Variants in RSRC1 observed in about 807,000 individuals in gnomAD.
RSRC1 encodes the protein arginine and serine rich coiled-coil 1.
Under a neutral mutation model 49.1 loss-of-function variants are expected in RSRC1, and 39 were observed. The observed-to-expected ratio is 0.79, with a 90% CI of 0.61 to 1.04. The LOEUF is 1.04. Among genes scored for constraint, RSRC1 ranks in the 50% least tolerant of loss-of-function variants. The pLI, the probability that RSRC1 is intolerant of heterozygous loss-of-function variation, is 0.00. For missense variants in RSRC1, 388 were observed against 402.4 expected (o/e 0.96, Z 0.31); for synonymous variants, 143 against 130.8 (o/e 1.09, Z -0.63).
At chr3:158,413,326 A>G (rs1408217296) in intron 6 of RSRC1, among the ~76,000 whole-genome samples, 2 of 152,206 alleles carry the variant, frequency 1.3e-5, no homozygotes, top group African/African-American at 4.8e-5. Context: ...TACACCTTAT[A>G]CAAAAATTAA....
chr3:158,345,168 A>C (rs1730477412), intron 5 of RSRC1, among the ~76,000 whole-genome samples: 1 of 152,022 alleles, frequency 6.6e-6, no homozygotes. Flanking sequence ...CAGAAGTTGC[A>C]GTGAGCCGAG....
chr3:158,525,693 A>G (rs1711973141), intron 7 of RSRC1, among the ~76,000 whole-genome samples: 1 of 152,154 alleles, frequency 6.6e-6, no homozygotes, highest in South Asian at 2.1e-4. Context: ...TAAAAATTGC[A>G]GATATTCATA....
intron 4 of RSRC1, among the ~76,000 whole-genome samples, chr3:158,266,415 T>C (rs866080784): frequency 8.5e-5 from 13 of 152,288 alleles, no homozygotes; most frequent in African/African-American, 3.1e-4. Context: ...TTATTGTTGA[T>C]GAATTATAAT....
chr3:158,511,864 T>G (rs1740204367), intron 7 of RSRC1, among the ~76,000 whole-genome samples: 1 of 152,122 alleles, frequency 6.6e-6, no homozygotes, highest in Admixed American at 6.6e-5. Context: ...TGCATTTCTC[T>G]GATGGCCAGT....
In RSRC1 at chr3:158,517,391, A is replaced by T. The variant is rs138939227; in HGVS notation, c.653-19701A>T. ...CTGCAACCCCCACTAACCAGTACCT[A>T]ATAGAAATGGTGATAGCTAGTATCG... On this transcript the variant is annotated intron_variant, in intron 7 of 9. Coordinates refer to ENST00000611884, the MANE Select transcript of RSRC1 (RefSeq NM_001271838.2). 1.4e-3 allele frequency among the ~76,000 whole-genome samples: 206 copies of T among 152,242 alleles called. 1 individual carries two copies. Among genetic ancestry groups the T allele is most frequent in the African/African-American group, 4.8e-3 (199 of 41,552 alleles).
chr3:158,215,381 G>T (rs557561158), intron 4 of RSRC1, among the ~76,000 whole-genome samples: 1 of 149,554 alleles, frequency 6.7e-6, no homozygotes, highest in African/African-American at 2.5e-5. Context: ...GCCTCTAGAA[G>T]TCCTCCTGCC....
intron 6 of RSRC1, among the ~76,000 whole-genome samples, chr3:158,440,131 A>T (rs921008370): frequency 6.6e-6 from 1 of 152,116 alleles, no homozygotes; most frequent in Non-Finnish European, 1.5e-5. Flanking sequence ...CTTAAAATAA[A>T]ATTTTTTAAA....
intron 4 of RSRC1, chr3:158,276,258 G>A (rs772167736): frequency 1.5e-4 from 115 of 768,714 alleles, no homozygotes; most frequent in Non-Finnish European, 2.5e-4. Context: ...ACCTTTCTTG[G>A]CCTTGCAGCC....
intron 3 of RSRC1, among the ~76,000 whole-genome samples, chr3:158,199,269 G>A (rs1392843008): frequency 6.6e-6 from 1 of 151,830 alleles, no homozygotes; most frequent in Non-Finnish European, 1.5e-5. Flanking sequence ...TCTTTCTTTT[G>A]TAAATTTCCC....
intron 7 of RSRC1, among the ~76,000 whole-genome samples, chr3:158,473,698 C>T (rs1738245274): frequency 6.6e-6 from 1 of 151,530 alleles, no homozygotes; most frequent in African/African-American, 2.4e-5. Context: ...CTTTTTTCAC[C>T]TATGATTATA....
intron 5 of RSRC1, among the ~76,000 whole-genome samples, chr3:158,318,563 A>G (rs1728591722): frequency 6.6e-6 from 1 of 152,170 alleles, no homozygotes; most frequent in Non-Finnish European, 1.5e-5. Context: ...ATATGTGTTC[A>G]CAAACACAGG....
chr3:158,449,937 C>A (rs1237713108), intron 6 of RSRC1, among the ~76,000 whole-genome samples: 3 of 151,978 alleles, frequency 2.0e-5, no homozygotes, highest in Middle Eastern at 3.2e-3. Context: ...TAAACTGGTT[C>A]ATTGCAACTA....
chr3:158,306,315 G>A (rs1578315378), intron 5 of RSRC1, among the ~76,000 whole-genome samples: 1 of 151,642 alleles, frequency 6.6e-6, no homozygotes, highest in African/African-American at 2.4e-5. Flanking sequence ...GTCATACTAT[G>A]TATGGTATTT....
intron 6 of RSRC1, among the ~76,000 whole-genome samples, chr3:158,460,337 C>A (rs1737546216): frequency 6.6e-6 from 1 of 151,796 alleles, no homozygotes; most frequent in Non-Finnish European, 1.5e-5. Flanking sequence ...TATTTTTAAT[C>A]TTCCTCAACA....
At chr3:158,458,228 C>T (rs1333442482) in intron 6 of RSRC1, among the ~76,000 whole-genome samples, 1 of 152,096 alleles carries the variant, frequency 6.6e-6, no homozygotes, top group African/African-American at 2.4e-5. Flanking sequence ...AATATAAAAA[C>T]ATCCATGTTA....
chr3:158,146,943 A>G (rs780348543), intron 3 of RSRC1, among the ~76,000 whole-genome samples: 3 of 152,002 alleles, frequency 2.0e-5, no homozygotes, highest in Non-Finnish European at 4.4e-5. Context: ...AATTTCAAAC[A>G]TACTCAAGAG....
At chr3:158,257,459 C>T (rs1467473030) in intron 4 of RSRC1, among the ~76,000 whole-genome samples, 13 of 152,002 alleles carry the variant, frequency 8.6e-5, no homozygotes, top group Admixed American at 3.9e-4. Context: ...TATGGTTATT[C>T]CTGCTCTTTT....
At chr3:158,530,221 T>C (rs925202160) in intron 7 of RSRC1, among the ~76,000 whole-genome samples, 3 of 151,978 alleles carry the variant, frequency 2.0e-5, no homozygotes, top group Non-Finnish European at 4.4e-5. Flanking sequence ...TGTTACTAAA[T>C]TAGCACTTTT....
chr3:158,415,282 CT>C (rs1734683146), intron 6 of RSRC1, among the ~76,000 whole-genome samples: 5 of 151,984 alleles, frequency 3.3e-5, no homozygotes, highest in Admixed American at 2.6e-4. Flanking sequence ...TGTTATATAG[CT>C]TTTTTTGTGT....
Sources: gnomAD v4.1 joint callset for allele counts (sites outside exome capture counted in the v4.1 genomes callset) on GRCh38, gnomAD v4.1.1 for gene constraint, MANE v1.5 for transcripts, NCBI Gene and HGNC (gene_info 2026-07-23, HGNC 2026-07-21) for gene names.